SH3BGR: variants seen among roughly 807,000 people sequenced by gnomAD.
SH3BGR encodes SH3 domain binding glutamate rich protein.
In SH3BGR, 29 loss-of-function variants were observed where a neutral mutation model predicts 24.5. The observed-to-expected ratio is 1.18, with a 90% CI of 0.88 to 1.61. The LOEUF is 1.61. SH3BGR is among the 40% of genes most tolerant of loss of function. The probability of loss-of-function intolerance (pLI) is 0.00; values close to 1 mark genes in which losing one functional copy is unlikely to be tolerated. For missense variants in SH3BGR, 162 were observed against 205.8 expected (o/e 0.79, Z 1.30); for synonymous variants, 55 against 65.7 (o/e 0.84, Z 0.79).
upstream of SH3BGR, among the ~76,000 whole-genome samples, chr21:39,447,297 T>TC (rs1721723275): frequency 6.6e-6 from 1 of 152,114 alleles, no homozygotes; most frequent in Non-Finnish European, 1.5e-5. Flanking sequence ...ACTGGAGGAA[T>TC]TGAAAGGTAG....
chr21:39,487,491 G>A (rs2078230313), intron 3 of SH3BGR, among the ~76,000 whole-genome samples: 1 of 152,182 alleles, frequency 6.6e-6, no homozygotes, highest in East Asian at 1.9e-4. Flanking sequence ...TGCTGTTGGT[G>A]TGTAACTCCT....
At chr21:39,467,391 G>A (rs554114643) in intron 2 of SH3BGR, among the ~76,000 whole-genome samples, 2 of 151,974 alleles carry the variant, frequency 1.3e-5, no homozygotes, top group East Asian at 3.9e-4. Flanking sequence ...ATGTTTAACT[G>A]TTTCTATTCT....
Position 39,499,847 on chromosome 21 carries a change from G to A in SH3BGR, c.337G>A (p.Gly113Arg). 1 of 1,613,706 alleles carries A rather than the reference G, an allele frequency of 6.2e-7. No homozygotes were observed. The highest frequency in any genetic ancestry group is 8.5e-7 in the Non-Finnish European group (1 of 1,179,780). Residue 113 changes from glycine (G) to arginine (R), a missense_variant, in exon 4 of 7, where the codon GGA becomes AGA. By Grantham distance (125) the Gly-to-Arg change is moderately radical. Coordinates refer to ENST00000333634, the MANE Select transcript of SH3BGR (RefSeq NM_007341.3). Reference sequence around the variant, plus strand: ...GGGATCAGAGAAGGCTGAAGAAGGTGGAGAAACTGAGGCACAAAAAGAGGG... The same window carrying A: ...GGGATCAGAGAAGGCTGAAGAAGGTAGAGAAACTGAGGCACAAAAAGAGGG... Reference protein sequence around the residue: ...SKGSEKAEEGGETEAQKEGSE... With the variant: ...SKGSEKAEEGRETEAQKEGSE...
At chr21:39,446,357 T>C (rs1318612591) in intron 1 of SH3BGR, among the ~76,000 whole-genome samples, 2 of 152,160 alleles carry the variant, frequency 1.3e-5, no homozygotes, top group Non-Finnish European at 2.9e-5. Context: ...TTTCCTTTTA[T>C]TTATTTACTT....
intron 3 of SH3BGR, among the ~76,000 whole-genome samples, chr21:39,496,432 G>A (rs563765708): frequency 3.5e-4 from 53 of 150,786 alleles, no homozygotes; most frequent in African/African-American, 1.2e-3. Flanking sequence ...CCCAGGAAGC[G>A]GAGCTTGCAG....
intron 3 of SH3BGR, among the ~76,000 whole-genome samples, chr21:39,496,276 G>A (rs916776728): frequency 1.3e-5 from 2 of 152,036 alleles, no homozygotes; most frequent in African/African-American, 4.8e-5. Context: ...CGAGGCGGGT[G>A]GATCATGAGG....
intron 2 of SH3BGR, among the ~76,000 whole-genome samples, chr21:39,471,662 A>G (rs1372900215): frequency 6.6e-6 from 1 of 151,716 alleles, no homozygotes; most frequent in Non-Finnish European, 1.5e-5. Context: ...GAGTCTTGCT[A>G]TGTTGCCCAG....
intron 1 of SH3BGR, among the ~76,000 whole-genome samples, chr21:39,460,012 C>T (rs1306133242): frequency 6.6e-6 from 1 of 152,098 alleles, no homozygotes; most frequent in Non-Finnish European, 1.5e-5. Flanking sequence ...ATTGTAATTG[C>T]TTTTGTAATT....
At chr21:39,448,990 A>G (rs553746894), upstream of SH3BGR, among the ~76,000 whole-genome samples, 1 of 150,710 alleles carries the variant, frequency 6.6e-6, no homozygotes, top group Admixed American at 6.7e-5. Context: ...GCAGACCTCC[A>G]GCCAATTTTG....
chr21:39,503,169 C>T (rs892276796), intron 4 of SH3BGR, among the ~76,000 whole-genome samples: 1 of 152,168 alleles, frequency 6.6e-6, no homozygotes, highest in Non-Finnish European at 1.5e-5. Flanking sequence ...GCAGAAAGAA[C>T]AAGTCACAAT....
intron 5 of SH3BGR, among the ~76,000 whole-genome samples, chr21:39,510,439 CACACACACACACACACTGTAGCT>C (rs879776239): frequency 0.037 from 4,266 of 115,116 alleles, 106 homozygotes; most frequent in Middle Eastern, 0.077. Flanking sequence ...TACACACACA[CACACACACACACACACTGTAGCT>C]ACACACACAC....
At chr21:39,469,698 G>C (rs895080349) in intron 2 of SH3BGR, among the ~76,000 whole-genome samples, 1 of 151,656 alleles carries the variant, frequency 6.6e-6, no homozygotes, top group African/African-American at 2.4e-5. Context: ...TTGTTGCCCA[G>C]GCTGGAGTGC....
At chr21:39,479,268 C>A (rs559255115) in intron 3 of SH3BGR, among the ~76,000 whole-genome samples, 9 of 106,584 alleles carry the variant, frequency 8.4e-5, no homozygotes, top group Non-Finnish European at 1.3e-4. Context: ...GATGGTAGTG[C>A]TGGTGGTGAT....
chr21:39,479,243 G>GAT (rs1569160859), intron 3 of SH3BGR, among the ~76,000 whole-genome samples: 195 of 148,430 alleles, frequency 1.3e-3, no homozygotes, highest in African/African-American at 4.3e-3. Context: ...TGGTGGTGGT[G>GAT]GTGGTGGTGG....
At chr21:39,510,310 G>A (rs1352345436) in intron 5 of SH3BGR, among the ~76,000 whole-genome samples, 1 of 150,832 alleles carries the variant, frequency 6.6e-6, no homozygotes, top group Non-Finnish European at 1.5e-5. Flanking sequence ...GATAGAAGAG[G>A]AAAATGAACA....
chr21:39,451,981 G>A lies in SH3BGR; in HGVS notation c.-116G>A, dbSNP rs1287628676. On this transcript the variant is annotated 5_prime_UTR_variant, in exon 1 of 7. Coordinates refer to ENST00000333634, the MANE Select transcript of SH3BGR (RefSeq NM_007341.3). Reference sequence around the variant, plus strand: ...GACTGCCGGAGCCCAGTGGACCCCTGGGCTGCTGCCAGCCCCGACCTGGCA... The same window carrying A: ...GACTGCCGGAGCCCAGTGGACCCCTAGGCTGCTGCCAGCCCCGACCTGGCA... 3 of 1,614,030 alleles carry A rather than the reference G, an allele frequency of 1.9e-6. No homozygotes were observed. Among genetic ancestry groups the A allele is most frequent in the Non-Finnish European group, 2.5e-6 (3 of 1,180,010 alleles).
intron 2 of SH3BGR, 77 bp downstream of exon 2, chr21:39,462,637 T>C: frequency 1.9e-6 from 2 of 1,061,468 alleles, no homozygotes; most frequent in Non-Finnish European, 2.6e-6. Flanking sequence ...TAAGTTTGAG[T>C]CAGCATTTGA....
At chr21:39,488,739 G>A in intron 3 of SH3BGR, 2 of 455,036 alleles carry the variant, frequency 4.4e-6, no homozygotes, top group Non-Finnish European at 9.0e-6. Context: ...TGGCGGCCGG[G>A]CATGAGGACA....
intron 4 of SH3BGR, among the ~76,000 whole-genome samples, chr21:39,502,825 C>T (rs1004929876): frequency 2.6e-5 from 4 of 152,220 alleles, no homozygotes; most frequent in Non-Finnish European, 4.4e-5. Context: ...GCCTTCTGAC[C>T]GCGGACGCTG....
Sources: allele counts gnomAD v4.1 joint callset (sites outside exome capture counted in the v4.1 genomes callset), GRCh38; gene constraint gnomAD v4.1.1; transcripts MANE v1.5; gene names NCBI Gene and HGNC (gene_info 2026-07-23, HGNC 2026-07-21).